PRKN: variants seen among roughly 807,000 people sequenced by gnomAD.
The protein encoded by PRKN is E3 ubiquitin-protein ligase parkin.
PRKN carries 56 observed loss-of-function variants against 59.5 expected under a neutral mutation model. That is an observed-to-expected ratio of 0.94 (90% CI 0.76 to 1.18). The LOEUF is 1.18. Ranked by LOEUF, PRKN falls within the 50% of genes most tolerant of loss-of-function variation. The pLI is 0.00. For missense variants in PRKN, 657 were observed against 596.4 expected (o/e 1.10, Z -1.06); for synonymous variants, 250 against 222.1 (o/e 1.13, Z -1.12).
chr6:162,396,331 G>T (rs1207665137), intron 2 of PRKN, among the ~76,000 whole-genome samples: 1 of 152,218 alleles, frequency 6.6e-6, no homozygotes, highest in Non-Finnish European at 1.5e-5. Context: ...GTCAGCATTA[G>T]TGTTGTCCAG....
intron 7 of PRKN, among the ~76,000 whole-genome samples, chr6:161,762,218 G>A (rs1396088968): frequency 1.3e-5 from 2 of 152,122 alleles, no homozygotes; most frequent in East Asian, 3.9e-4. Flanking sequence ...ACACTGTTGT[G>A]GTAAAAATGG....
intron 9 of PRKN, among the ~76,000 whole-genome samples, chr6:161,508,623 G>A (rs1778261551): frequency 6.6e-6 from 1 of 152,108 alleles, no homozygotes; most frequent in Admixed American, 6.5e-5. Flanking sequence ...TCCGCCCTGA[G>A]CTCCCTTTTC....
At chr6:161,425,823 T>C (rs1318969653) in intron 9 of PRKN, among the ~76,000 whole-genome samples, 1 of 152,168 alleles carries the variant, frequency 6.6e-6, no homozygotes, top group Non-Finnish European at 1.5e-5. Context: ...CCTTGCCACA[T>C]CAGTAATTCC....
At chr6:162,145,650 G>T (rs1274173334) in intron 4 of PRKN, among the ~76,000 whole-genome samples, 1 of 152,170 alleles carries the variant, frequency 6.6e-6, no homozygotes, top group Admixed American at 6.5e-5. Flanking sequence ...AAGGGCCCCA[G>T]ATAACAGAAT....
chr6:161,975,184 C>T lies in PRKN; in HGVS notation c.619-1767G>A, dbSNP rs530020955. Among the ~76,000 whole-genome samples, 11 of 150,516 alleles carry T rather than the reference C, an allele frequency of 7.3e-5. No homozygotes were observed. In the South Asian group the frequency reaches 8.4e-4, roughly 12 times the overall value. On this transcript the variant is annotated intron_variant, in intron 5 of 11. Transcript: ENST00000366898. ...CACTGCAAACTCTGCCTCCTGGGCTCACGCCATTCTCCTGCCTCAGCCTCC... is the reference window on the plus strand; with the variant it reads ...CACTGCAAACTCTGCCTCCTGGGCTTACGCCATTCTCCTGCCTCAGCCTCC...
chr6:162,043,015 G>A (rs1784122773), intron 5 of PRKN, among the ~76,000 whole-genome samples: 1 of 152,172 alleles, frequency 6.6e-6, no homozygotes, highest in Non-Finnish European at 1.5e-5. Context: ...AGTTCCACAT[G>A]ACTGGGGAGG....
chr6:161,793,867 T>A (rs1004615916), intron 6 of PRKN, among the ~76,000 whole-genome samples: 1 of 152,194 alleles, frequency 6.6e-6, no homozygotes, highest in Admixed American at 6.5e-5. Flanking sequence ...AAATTCTCTA[T>A]CTCCTTTCCT....
intron 1 of PRKN, among the ~76,000 whole-genome samples, chr6:162,517,664 C>T (rs1777922482): frequency 6.6e-6 from 1 of 152,046 alleles, no homozygotes; most frequent in African/African-American, 2.4e-5. Flanking sequence ...TTACACTAAT[C>T]TTAGTTCAAG....
chr6:162,366,394 A>G (rs962004014), intron 2 of PRKN, among the ~76,000 whole-genome samples: 1 of 152,206 alleles, frequency 6.6e-6, no homozygotes, highest in Admixed American at 6.5e-5. Flanking sequence ...ATGTGGCATA[A>G]TAAGAACTAT....
At chr6:162,687,107 G>C (rs1777590685) in intron 1 of PRKN, among the ~76,000 whole-genome samples, 1 of 151,408 alleles carries the variant, frequency 6.6e-6, no homozygotes, top group South Asian at 2.1e-4. Context: ...CATTGAATCT[G>C]TACACTGCTT....
At chr6:161,957,562 T>C (rs1314524798) in intron 6 of PRKN, among the ~76,000 whole-genome samples, 1 of 151,978 alleles carries the variant, frequency 6.6e-6, no homozygotes, top group Non-Finnish European at 1.5e-5. Flanking sequence ...GTAGCTGGGA[T>C]TACAAGTGTG....
chr6:162,498,575 A>T (rs1793208549), intron 1 of PRKN, among the ~76,000 whole-genome samples: 1 of 148,854 alleles, frequency 6.7e-6, no homozygotes, highest in Non-Finnish European at 1.5e-5. Context: ...CCTCCTGAGT[A>T]GCTGGGATTA....
At chr6:162,652,567 A>G (rs1395509114) in intron 1 of PRKN, among the ~76,000 whole-genome samples, 3 of 152,174 alleles carry the variant, frequency 2.0e-5, no homozygotes, top group African/African-American at 7.2e-5. Context: ...AAAAAGCAAT[A>G]CAACACAATA....
At chr6:161,647,476 G>C (rs150085305) in intron 7 of PRKN, among the ~76,000 whole-genome samples, 16 of 152,292 alleles carry the variant, frequency 1.1e-4, no homozygotes, top group Non-Finnish European at 2.4e-4. Flanking sequence ...AAGCAGAGAT[G>C]ACAAGTGCAG....
chr6:162,552,571 A>C (rs1779374118), intron 1 of PRKN, among the ~76,000 whole-genome samples: 1 of 152,164 alleles, frequency 6.6e-6, no homozygotes, highest in Non-Finnish European at 1.5e-5. Flanking sequence ...TGGAGAAATA[A>C]GTTTCCATGA....
chr6:161,799,051 T>A (rs1015863490), intron 6 of PRKN, among the ~76,000 whole-genome samples: 2 of 152,216 alleles, frequency 1.3e-5, no homozygotes, highest in Non-Finnish European at 2.9e-5. Context: ...AATAAAGTTT[T>A]ATTGGAAGCC....
At chr6:161,886,744 A>AAC (rs1253753552) in intron 6 of PRKN, among the ~76,000 whole-genome samples, 15,630 of 117,180 alleles carry the variant, frequency 0.13, 962 homozygotes, top group African/African-American at 0.22. Flanking sequence ...AAAATAAAAT[A>AAC]ATAAAATAAA....
At chr6:161,842,157 C>A (rs1793012299) in intron 6 of PRKN, among the ~76,000 whole-genome samples, 1 of 151,980 alleles carries the variant, frequency 6.6e-6, no homozygotes, top group Non-Finnish European at 1.5e-5. Context: ...AATATGAGAA[C>A]ATAAAGCATA....
chr6:161,579,696 C>A lies in PRKN; in HGVS notation c.872-10280G>T, dbSNP rs1367791569. Among the ~76,000 whole-genome samples, 1 of 150,816 alleles carries A rather than the reference C, an allele frequency of 6.6e-6. No individual in the cohort carries two copies. Among genetic ancestry groups the A allele is most frequent in the Non-Finnish European group, 1.5e-5 (1 of 67,800 alleles). On this transcript the variant is annotated intron_variant, in intron 7 of 11. Coordinates refer to ENST00000366898, the MANE Select transcript of PRKN (RefSeq NM_004562.3). The surrounding 1 kb of genome is among the most constrained non-coding windows in gnomAD (Gnocchi z 4.2). ...AATGGAGGAATTTCTTAAATGGACA[C>A]AATTCCTTAAAAATGAGGTAAAGAG... is the stretch of plus-strand genomic sequence containing the variant.
Sources: allele counts gnomAD v4.1 joint callset (sites outside exome capture counted in the v4.1 genomes callset), GRCh38; gene constraint gnomAD v4.1.1; non-coding constraint Gnocchi (gnomAD v3.1); transcripts MANE v1.5; gene names NCBI Gene and HGNC (gene_info 2026-07-23, HGNC 2026-07-21).